USH2A: variants seen among roughly 807,000 people sequenced by gnomAD.
USH2A encodes the protein usherin.
In USH2A, 443 loss-of-function variants were observed where a neutral mutation model predicts 538.9. That is an observed-to-expected ratio of 0.82 (90% CI 0.76 to 0.89). USH2A has a LOEUF of 0.89. Ranked by LOEUF, USH2A falls within the 40% of genes least tolerant of loss-of-function variation. USH2A has a pLI of 0.00. For synonymous variants in USH2A, 2,413 were observed against 2,273.5 expected (o/e 1.06, Z -1.75); for missense variants, 6,633 against 6,324.8 (o/e 1.05, Z -1.65).
At chr1:215,886,965 C>G (rs1460799613) in intron 41 of USH2A, among the ~76,000 whole-genome samples, 2 of 152,084 alleles carry the variant, frequency 1.3e-5, no homozygotes, top group Non-Finnish European at 2.9e-5. Context: ...TCACGCCATT[C>G]TCCTGCCTCA....
intron 3 of USH2A, among the ~76,000 whole-genome samples, chr1:216,380,570 A>G (rs2038907414): frequency 6.6e-6 from 1 of 152,206 alleles, no homozygotes; most frequent in Non-Finnish European, 1.5e-5. Flanking sequence ...AAGAGTGAAT[A>G]TATCTGTGAA....
intron 61 of USH2A, among the ~76,000 whole-genome samples, chr1:215,703,685 G>A (rs1333246205): frequency 3.9e-5 from 6 of 152,150 alleles, no homozygotes; most frequent in African/African-American, 1.4e-4. Flanking sequence ...AGCATCCTAG[G>A]TTGACTTCAG....
In USH2A at chr1:215,650,791, A is replaced by G. The variant is rs754887061; in HGVS notation, c.14144T>C (p.Val4715Ala). ...FTEYEYQVWA[V>A]NSAGKAPSSW... is the part of the protein sequence containing the mutation. ...ACTGGGGGCTTTTCCTGCAGAATTC[A>G]CTGCCCAGACCTCCAAAGAGAAATC... The change falls in exon 65 of 72, where the codon GTG becomes GCG. Residue 4715 changes from valine to alanine, a missense_variant. Transcript: ENST00000307340. 6.2e-7 allele frequency: 1 copy of G among 1,612,982 alleles called. No individual in the cohort carries two copies. The highest frequency in any genetic ancestry group is 8.5e-7 in the Non-Finnish European group (1 of 1,179,864).
At chr1:215,633,332 C>A (rs76979126) in intron 70 of USH2A, among the ~76,000 whole-genome samples, 7,759 of 152,166 alleles carry the variant, frequency 0.051, 329 homozygotes, top group East Asian at 0.18. Context: ...GCCTTCTTTG[C>A]TTCTCCACCA....
intron 4 of USH2A, among the ~76,000 whole-genome samples, chr1:216,354,627 G>C (rs900165247): frequency 1.3e-5 from 2 of 151,922 alleles, no homozygotes; most frequent in Non-Finnish European, 2.9e-5. Context: ...CAGCAGCCTA[G>C]ACACAAAAGA....
At position 215,755,761 on chromosome 1, in the gene USH2A, T is replaced by C. The variant is rs1369650529; in HGVS notation, c.11389+2834A>G. On this transcript the variant is annotated intron_variant, in intron 58 of 71. Coordinates refer to ENST00000307340, the MANE Select transcript of USH2A (RefSeq NM_206933.4). ...CAATATCCCCTAGGCTGGACCAGAA[T>C]GAACAATTTATACAAAGCCTGAGGT... 2.6e-5 allele frequency among the ~76,000 whole-genome samples: 4 copies of C among 152,188 alleles called. No homozygotes were observed. In the South Asian group the frequency reaches 8.3e-4, roughly 31 times the overall value.
At chr1:216,037,162 G>A (rs1204224404) in intron 32 of USH2A, among the ~76,000 whole-genome samples, 1 of 152,034 alleles carries the variant, frequency 6.6e-6, no homozygotes, top group Non-Finnish European at 1.5e-5. Context: ...AAAGAAGTCA[G>A]AAGGAACCAA....
chr1:216,142,924 G>A (rs1358596243), intron 21 of USH2A, among the ~76,000 whole-genome samples: 1 of 152,050 alleles, frequency 6.6e-6, no homozygotes, highest in Non-Finnish European at 1.5e-5. Flanking sequence ...AAGTGTCTTT[G>A]TTGACTAATG....
intron 21 of USH2A, among the ~76,000 whole-genome samples, chr1:216,125,239 C>CAAAA (rs5780870): frequency 0.013 from 1,911 of 145,394 alleles, 10 homozygotes; most frequent in Middle Eastern, 0.033. Context: ...TTTAAACAAG[C>CAAAA]AAAAAAAAAA....
intron 3 of USH2A, among the ~76,000 whole-genome samples, chr1:216,408,637 A>C (rs953727890): frequency 1.3e-5 from 2 of 152,182 alleles, no homozygotes; most frequent in Non-Finnish European, 2.9e-5. Flanking sequence ...TCATTTGTTA[A>C]GTTGAGAGTG....
chr1:215,981,679 G>A (rs965261571), intron 35 of USH2A, among the ~76,000 whole-genome samples: 5 of 152,120 alleles, frequency 3.3e-5, no homozygotes, highest in African/African-American at 4.8e-5. Flanking sequence ...AAATAAATGA[G>A]AATCCATTTG....
At chr1:216,368,895 G>A (rs2038649693) in intron 3 of USH2A, among the ~76,000 whole-genome samples, 1 of 151,902 alleles carries the variant, frequency 6.6e-6, no homozygotes, top group African/African-American at 2.4e-5. Flanking sequence ...TAATTTGGAG[G>A]GCCTCATTTA....
chr1:216,156,053 G>T (rs761054669), intron 21 of USH2A, among the ~76,000 whole-genome samples: 32 of 151,944 alleles, frequency 2.1e-4, no homozygotes, highest in Non-Finnish European at 2.5e-4. Flanking sequence ...ATAAAATTAC[G>T]TTCAAAATTT....
chr1:216,023,684 A>G (rs1345615000), intron 32 of USH2A, among the ~76,000 whole-genome samples: 1 of 152,024 alleles, frequency 6.6e-6, no homozygotes, highest in Non-Finnish European at 1.5e-5. Context: ...ATTTATGCAC[A>G]TCGAAAGTAT....
At chr1:215,771,069 G>A (rs1462162187) in intron 55 of USH2A, among the ~76,000 whole-genome samples, 4 of 151,148 alleles carry the variant, frequency 2.6e-5, no homozygotes, top group African/African-American at 9.7e-5. Context: ...AGAGGTTGCA[G>A]TGAGCTGAGA....
intron 32 of USH2A, among the ~76,000 whole-genome samples, chr1:216,023,466 A>AAAAAAAAAAAAAAAAAAAAAAAT (rs1357340525): frequency 9.3e-6 from 1 of 108,036 alleles, no homozygotes; most frequent in Non-Finnish European, 2.4e-5. Flanking sequence ...AGACAAAAAA[A>AAAAAAAAAAAAAAAAAAAAAAAT]AAAAAAAAAA....
At chr1:216,415,460 T>C (rs952428768) in intron 3 of USH2A, among the ~76,000 whole-genome samples, 1 of 151,622 alleles carries the variant, frequency 6.6e-6, no homozygotes, top group South Asian at 2.1e-4. Flanking sequence ...CAGAGTAGCA[T>C]AACCTAAATC....
intron 3 of USH2A, among the ~76,000 whole-genome samples, chr1:216,415,503 T>G (rs80049543): frequency 7.3e-6 from 1 of 136,758 alleles, no homozygotes; most frequent in Non-Finnish European, 1.5e-5. Context: ...CTGTCCTTCC[T>G]GTCACTTTTT....
At chr1:216,338,191 A>C (rs2038010217) in intron 4 of USH2A, among the ~76,000 whole-genome samples, 1 of 151,522 alleles carries the variant, frequency 6.6e-6, no homozygotes, top group Admixed American at 6.6e-5. Context: ...ACCTAACAAT[A>C]GCTGAAGAAG....
Sources: gnomAD v4.1 joint callset for allele counts (sites outside exome capture counted in the v4.1 genomes callset) on GRCh38, gnomAD v4.1.1 for gene constraint, MANE v1.5 for transcripts, NCBI Gene and HGNC (gene_info 2026-07-23, HGNC 2026-07-21) for gene names.